Variants in LALBA observed in about 807,000 individuals in gnomAD.
LALBA encodes the protein alpha-lactalbumin.
LALBA carries 12 observed loss-of-function variants against 13.4 expected under a neutral mutation model. The observed-to-expected ratio is 0.89, with a 90% CI of 0.57 to 1.45. The LOEUF (loss-of-function observed/expected upper bound fraction) is 1.45. LALBA is among the 40% of genes most tolerant of loss of function. The pLI, the probability that LALBA is intolerant of heterozygous loss-of-function variation, is 0.00. For missense variants in LALBA, 145 were observed against 165.9 expected (o/e 0.87, Z 0.69); for synonymous variants, 64 against 61.0 (o/e 1.05, Z -0.23).
At chr12:48,569,817 A>G (rs1314812469) in intron 1 of LALBA, 71 bp downstream of exon 1, 1 of 1,483,538 alleles carries the variant, frequency 6.7e-7, no homozygotes. Context: ...GGAGGGGCGA[A>G]GTGGAAGAAA....
In LALBA at chr12:48,568,035, G is replaced by A. The variant is rs1005288582; in HGVS notation, c.369-18C>T. On this transcript the variant is annotated intron_variant, in intron 3 of 3. Transcript: ENST00000301046. The stretch of plus-strand genomic sequence containing the variant: ...GGGCCAACCTGATAATGGAGAAGGG[G>A]GACAAGGTGAGTTAGCTGACTGAAT... The A allele has an allele frequency of 2.9e-5, 46 of 1,580,776 alleles. No individual in the cohort carries two copies. The highest frequency in any genetic ancestry group is 3.7e-5 in the Non-Finnish European group (43 of 1,160,104).
At position 48,569,251 on chromosome 12, in the gene LALBA, G is replaced by A; in HGVS notation, c.134-11C>T. 1.2e-6 allele frequency: 2 copies of A among 1,605,186 alleles called. No homozygotes were observed. The highest frequency in any genetic ancestry group is 1.7e-6 in the Non-Finnish European group (2 of 1,173,934). On this transcript the variant is annotated splice_polypyrimidine_tract_variant and intron_variant, in intron 1 of 3. Coordinates refer to ENST00000301046, the MANE Select transcript of LALBA (RefSeq NM_002289.3). ...ACATGGTACAGATCACTGAGGGAAA[G>A]ATGAGAAAGAGATACCACAGAGATG...
rs1705954179 is a variant in LALBA, at chr12:48,567,933, A to G, written c.*24T>C. The G allele has an allele frequency of 6.3e-7, 1 of 1,590,968 alleles. No homozygotes were observed. Among genetic ancestry groups the G allele is most frequent in the Non-Finnish European group, 8.6e-7 (1 of 1,165,320 alleles). On this transcript the variant is annotated 3_prime_UTR_variant, in exon 4 of 4. Coordinates refer to ENST00000301046, the MANE Select transcript of LALBA (RefSeq NM_002289.3). ...GGTATTCCAGGAGTGTGGAGTGGGC[A>G]GGGGTGCCAAGGACAGCAGACACTC...
chr12:48,569,330 G>C (rs1938604452), intron 1 of LALBA, 90 bp from the exon 2 acceptor site: 5 of 1,127,370 alleles, frequency 4.4e-6, no homozygotes, highest in Non-Finnish European at 5.1e-6. Context: ...ATGCTTTCCA[G>C]CCAATCTCCA....
Position 48,567,845 on chromosome 12 carries a change from G to T in LALBA, c.*112C>A, listed in dbSNP as rs1319903839. ...CGGTGATGTCACTACAGGGCCCAAGGCTCAGAGACAGATAAGCTTTGGGGG... is the reference window on the plus strand; with the variant it reads ...CGGTGATGTCACTACAGGGCCCAAGTCTCAGAGACAGATAAGCTTTGGGGG... On this transcript the variant is annotated 3_prime_UTR_variant, in exon 4 of 4. Transcript: ENST00000301046. 2 of 919,080 alleles carry T rather than the reference G, an allele frequency of 2.2e-6. No homozygotes were observed. The highest frequency in any genetic ancestry group is 1.6e-5 in the African/African-American group (1 of 60,970). 56.9% of individuals were successfully genotyped at this position (919,080 alleles called of 1,614,324 possible).
intron 1 of LALBA, 143 bp from the exon 2 acceptor site, chr12:48,569,383 C>A (rs931045311): frequency 2.3e-5 from 15 of 655,046 alleles, no homozygotes; most frequent in South Asian, 3.9e-5. Context: ...TGGAGAATTC[C>A]AAAAAAAAAT....
chr12:48,569,747 T>G, intron 1 of LALBA, 141 bp downstream of exon 1: 1 of 741,088 alleles, frequency 1.3e-6, no homozygotes, highest in South Asian at 1.9e-5. Flanking sequence ...TATACATACA[T>G]GAAATAAAAG....
At chr12:48,570,671 A>G (rs1379696441), upstream of LALBA, among the ~76,000 whole-genome samples, 1 of 152,270 alleles carries the variant, frequency 6.6e-6, no homozygotes, top group South Asian at 2.1e-4. Context: ...AGGAAAATGC[A>G]TAATTGAAAA....
At chr12:48,568,730 C>T (rs575117369) in intron 2 of LALBA, 138 bp from the exon 3 acceptor site, 5 of 618,704 alleles carry the variant, frequency 8.1e-6, no homozygotes, top group Middle Eastern at 2.7e-4. Context: ...ATGAAAGGAC[C>T]AATGTGGTAA....
chr12:48,568,076 C>G, intron 3 of LALBA, 59 bp from the exon 4 acceptor site: 2 of 1,339,926 alleles, frequency 1.5e-6, no homozygotes, highest in South Asian at 1.2e-5. Context: ...CATTCATTCC[C>G]AGGAGGGCTG....
upstream of LALBA, among the ~76,000 whole-genome samples, chr12:48,570,980 T>TA (rs1938625666): frequency 7.8e-6 from 1 of 127,640 alleles, no homozygotes. Context: ...GACCCTATCT[T>TA]TAAAAAAAAA....
At chr12:48,569,010 G>A in intron 2 of LALBA, 72 bp downstream of exon 2, 1 of 1,320,558 alleles carries the variant, frequency 7.6e-7, no homozygotes, top group Non-Finnish European at 1.0e-6. Context: ...GGTCTGCTTG[G>A]CACTAAAAAG....
chr12:48,569,731 T>C lies in LALBA; in HGVS notation c.133+157A>G, dbSNP rs537007997. Among the ~76,000 whole-genome samples, 12 of 151,906 alleles carry C rather than the reference T, an allele frequency of 7.9e-5. No individual in the cohort carries two copies. The South Asian group carries it at 2.5e-3, about 32-fold the overall frequency. On this transcript the variant is annotated intron_variant, in intron 1 of 3. Coordinates refer to ENST00000301046, the MANE Select transcript of LALBA (RefSeq NM_002289.3). The stretch of plus-strand genomic sequence containing the variant: ...TCCACCTCAAAAATAAATAAATACA[T>C]ACATATATACATACATGAAATAAAA...
chr12:48,569,267 C>T, intron 1 of LALBA, 27 bp from the exon 2 acceptor site: 2 of 1,583,940 alleles, frequency 1.3e-6, no homozygotes, highest in Non-Finnish European at 1.7e-6. Flanking sequence ...AAAGAGATAC[C>T]ACAGAGATGT....
chr12:48,571,126 A>G (rs1465274047), upstream of LALBA, among the ~76,000 whole-genome samples: 1 of 152,138 alleles, frequency 6.6e-6, no homozygotes, highest in East Asian at 1.9e-4. Context: ...CTTGTAGACA[A>G]CCTCAGAGTT....
intron 2 of LALBA, 76 bp from the exon 3 acceptor site, chr12:48,568,668 C>T (rs914148940): frequency 1.2e-6 from 1 of 856,668 alleles, no homozygotes; most frequent in Non-Finnish European, 1.9e-6. Flanking sequence ...CCCCTAACCC[C>T]TGGATCCAGT....
At chr12:48,569,486 G>A (rs1938606787) in intron 1 of LALBA, among the ~76,000 whole-genome samples, 1 of 152,142 alleles carries the variant, frequency 6.6e-6, no homozygotes, top group African/African-American at 2.4e-5. Flanking sequence ...GGCTGAGGAG[G>A]GCGGATCACC....
At chr12:48,568,678 T>TTA in intron 2 of LALBA, 86 bp from the exon 3 acceptor site, 2 of 776,338 alleles carry the variant, frequency 2.6e-6, no homozygotes, top group African/African-American at 1.8e-5. Context: ...CTGGATCCAG[T>TTA]GGGTTCTCTA....
intron 1 of LALBA, 67 bp downstream of exon 1, chr12:48,569,821 G>T: frequency 2.0e-6 from 3 of 1,530,252 alleles, no homozygotes; most frequent in Non-Finnish European, 2.7e-6. Context: ...GGGCGAAGTG[G>T]AAGAAAGAGG....
Sources: allele counts gnomAD v4.1 joint callset (sites outside exome capture counted in the v4.1 genomes callset), GRCh38; gene constraint gnomAD v4.1.1; transcripts MANE v1.5; gene names NCBI Gene and HGNC (gene_info 2026-07-23, HGNC 2026-07-21).